Variants in GLIS1 observed in about 807,000 individuals in gnomAD.
GLIS1 encodes the protein zinc finger protein GLIS1.
A neutral mutation model predicts 63.8 loss-of-function variants in GLIS1; 24 were observed. The ratio of observed to expected loss-of-function variants is 0.38; its 90% CI spans 0.27 to 0.53. The LOEUF (loss-of-function observed/expected upper bound fraction) is 0.53, where lower values mean the gene tolerates loss of function less well. GLIS1 is among the 20% of genes least tolerant of loss of function. The pLI is 0.85. For missense variants in GLIS1, 1,036 were observed against 1,074.1 expected (o/e 0.96, Z 0.50); for synonymous variants, 450 against 482.5 (o/e 0.93, Z 0.88).
rs527333573 is a variant in GLIS1 at position 53,548,554 on chromosome 1, G to C, written c.1321-18602C>G. ...TGTCATGCTGCCTTTGCTGTGATGAGAACCCTGGGCCTGGCTCTTTGGGAC... is the reference window on the plus strand; with the variant it reads ...TGTCATGCTGCCTTTGCTGTGATGACAACCCTGGGCCTGGCTCTTTGGGAC... On this transcript the variant is annotated intron_variant, in intron 4 of 10. Coordinates refer to ENST00000628545, the MANE Select transcript of GLIS1 (RefSeq NM_001367484.1). Among the ~76,000 whole-genome samples, 7 of 152,328 alleles carry C rather than the reference G, an allele frequency of 4.6e-5. No individual in the cohort carries two copies. The South Asian group carries it at 1.5e-3, about 32-fold the overall frequency.
At chr1:53,683,398 G>C (rs780468396) in intron 2 of GLIS1, among the ~76,000 whole-genome samples, 3 of 152,162 alleles carry the variant, frequency 2.0e-5, no homozygotes, top group Non-Finnish European at 4.4e-5. Context: ...ACCATGAGCA[G>C]AGACTATGAT....
chr1:53,529,811 G>C lies in GLIS1; in HGVS notation c.1462C>G (p.Gln488Glu). The change falls in exon 5 of 11, where the codon CAG becomes GAG. Residue 488 changes from glutamine (Q) to glutamate (E), a missense_variant. Physicochemically the swap from Gln to Glu is conservative, Grantham distance 29 (BLOSUM62 2). Transcript: ENST00000628545. ...CCTACCGTGTCTAGGTGGGTGCGCTGGTGCTTGGCGCGGTCGCTGGAGTTG... is the reference window on the plus strand; with the variant it reads ...CCTACCGTGTCTAGGTGGGTGCGCTCGTGCTTGGCGCGGTCGCTGGAGTTG... ...FSNSSDRAKH[Q>E]RTHLDTKPYA... The C allele has an allele frequency of 6.2e-7, 1 of 1,612,820 alleles. No homozygotes were observed. Among genetic ancestry groups the C allele is most frequent in the Non-Finnish European group, 8.5e-7 (1 of 1,179,984 alleles).
intron 2 of GLIS1, among the ~76,000 whole-genome samples, chr1:53,730,113 A>T (rs1056696598): frequency 6.6e-6 from 1 of 152,186 alleles, no homozygotes; most frequent in African/African-American, 2.4e-5. Flanking sequence ...AAACGGTGTC[A>T]AAATCAGTGA....
chr1:53,718,331 G>C (rs1646720521), intron 2 of GLIS1, among the ~76,000 whole-genome samples: 1 of 152,192 alleles, frequency 6.6e-6, no homozygotes. Flanking sequence ...TGCAGTGCTG[G>C]AGAGACGGAA....
At chr1:53,642,515 T>C (rs1645798316) in intron 2 of GLIS1, among the ~76,000 whole-genome samples, 1 of 152,204 alleles carries the variant, frequency 6.6e-6, no homozygotes, top group Admixed American at 6.5e-5. Context: ...CTCAAGACTT[T>C]ACAGAAGGTT....
At chr1:53,732,264 A>C (rs1043429374) in intron 2 of GLIS1, among the ~76,000 whole-genome samples, 5 of 152,258 alleles carry the variant, frequency 3.3e-5, no homozygotes, top group African/African-American at 1.2e-4. Context: ...ACATGCTTTA[A>C]GTGACTTTCA....
intron 4 of GLIS1, among the ~76,000 whole-genome samples, chr1:53,556,239 AGGT>A (rs1349740526): frequency 6.2e-5 from 6 of 96,418 alleles, no homozygotes; most frequent in Non-Finnish European, 1.2e-4. Flanking sequence ...GGTGTACTGT[AGGT>A]GTGTGTGTGT....
intron 2 of GLIS1, among the ~76,000 whole-genome samples, chr1:53,635,547 TAAAAA>T (rs368725112): frequency 7.0e-6 from 1 of 143,486 alleles, no homozygotes; most frequent in South Asian, 2.2e-4. Context: ...CACAAGATGT[TAAAAA>T]AAAAAAGCAA....
Position 53,688,752 on chromosome 1 carries a change from GA to G in GLIS1, c.259+49053del, listed in dbSNP as rs1409582925. 3.9e-5 allele frequency: 6 copies of G among 152,286 alleles called. No individual in the cohort carries two copies. In the East Asian group the frequency reaches 1.2e-3, roughly 29 times the overall value. 9.4% of individuals were successfully genotyped at this position (152,286 alleles called of 1,614,324 possible). A position where few individuals can be genotyped will look rare whatever the true frequency, so the allele number is the denominator to read the frequency against. On this transcript the variant is annotated intron_variant, in intron 2 of 10. Transcript: ENST00000628545. Reference sequence around the variant, plus strand: ...TTAAATTGGTTTTTGTGTGGGGGGGGATGTTTTCTGGTGAAAACCAAAAAAC... The same window carrying G: ...TTAAATTGGTTTTTGTGTGGGGGGGGTGTTTTCTGGTGAAAACCAAAAAAC...
At chr1:53,710,209 T>C (rs1041562971) in intron 2 of GLIS1, among the ~76,000 whole-genome samples, 1 of 152,220 alleles carries the variant, frequency 6.6e-6, no homozygotes, top group Non-Finnish European at 1.5e-5. Flanking sequence ...TGGGGGGCTT[T>C]CCGAATCATT....
rs59790628 is a variant in GLIS1, at chr1:53,538,873, C to T, written c.1321-8921G>A. Among the ~76,000 whole-genome samples, 853 of 152,264 alleles carry T rather than the reference C, an allele frequency of 5.6e-3. 9 individuals carry two copies. Among genetic ancestry groups the T allele is most frequent in the African/African-American group, 0.019 (806 of 41,530 alleles). On this transcript the variant is annotated intron_variant, in intron 4 of 10. Coordinates refer to ENST00000628545, the MANE Select transcript of GLIS1 (RefSeq NM_001367484.1). ...GTCCCCAGCAGTGCAGTTGAGGCAT[C>T]TCCTGGAAAGGTGGCCGGCCAGCAA...
Position 53,735,233 on chromosome 1 carries a change from C to T in GLIS1, c.259+2573G>A, listed in dbSNP as rs1222483906. On this transcript the variant is annotated intron_variant, in intron 2 of 10. Coordinates refer to ENST00000628545, the MANE Select transcript of GLIS1 (RefSeq NM_001367484.1). ...TGGCTAGCACACCACAGTTAGCACCCTTCACATTCAGCATTTTAAAAATGT... is the reference window on the plus strand; with the variant it reads ...TGGCTAGCACACCACAGTTAGCACCTTTCACATTCAGCATTTTAAAAATGT... Among the ~76,000 whole-genome samples the T allele has an allele frequency of 2.0e-5, 3 of 152,190 alleles. No individual in the cohort carries two copies. The South Asian group carries it at 6.2e-4, about 32-fold the overall frequency.
At chr1:53,557,622 T>C (rs1569824486) in intron 4 of GLIS1, among the ~76,000 whole-genome samples, 1 of 152,124 alleles carries the variant, frequency 6.6e-6, no homozygotes, top group Admixed American at 6.5e-5. Context: ...CCTCATCAGG[T>C]AGGCCTTGAA....
Position 53,539,993 on chromosome 1 carries a change from C to G in GLIS1, c.1321-10041G>C, listed in dbSNP as rs766879882. 3.9e-5 allele frequency among the ~76,000 whole-genome samples: 6 copies of G among 152,210 alleles called. No homozygotes were observed. The highest frequency in any genetic ancestry group is 8.8e-5 in the Non-Finnish European group (6 of 68,034). On this transcript the variant is annotated intron_variant, in intron 4 of 10. Transcript: ENST00000628545. This position sits in a 1 kb window ranked among gnomAD's most constrained non-coding sequence, Gnocchi z 5.0. ...ATGCGGTGTCCTCTGCTCAAGGTGC[C>G]CCTGTTCACTGGCCAGTCCTCCTTG...
chr1:53,550,524 C>G (rs1339726002), intron 4 of GLIS1, among the ~76,000 whole-genome samples: 1 of 152,168 alleles, frequency 6.6e-6, no homozygotes, highest in African/African-American at 2.4e-5. Flanking sequence ...GGAGGTCAGA[C>G]TAGTTTTATG....
intron 4 of GLIS1, among the ~76,000 whole-genome samples, chr1:53,589,411 G>T (rs939009123): frequency 1.3e-5 from 2 of 152,186 alleles, no homozygotes; most frequent in Non-Finnish European, 2.9e-5. Context: ...GCTGGCGGAG[G>T]GGGGTAAAGG....
At chr1:53,573,143 T>C (rs977823925) in intron 4 of GLIS1, among the ~76,000 whole-genome samples, 3 of 152,202 alleles carry the variant, frequency 2.0e-5, no homozygotes, top group African/African-American at 7.2e-5. Context: ...AGCCCTGGTA[T>C]GGAATACAGA....
At position 53,511,040 on chromosome 1, in the gene GLIS1, A is replaced by C. The variant is rs1324912209; in HGVS notation, c.1884-1013T>G. Among the ~76,000 whole-genome samples the C allele has an allele frequency of 6.6e-6, 1 of 152,176 alleles. No homozygotes were observed. The highest frequency in any genetic ancestry group is 1.5e-5 in the Non-Finnish European group (1 of 68,018). On this transcript the variant is annotated intron_variant, in intron 8 of 10. Coordinates refer to ENST00000628545, the MANE Select transcript of GLIS1 (RefSeq NM_001367484.1). The surrounding 1 kb of genome is among the most constrained non-coding windows in gnomAD (Gnocchi z 4.2). Reference sequence around the variant, plus strand: ...ATGCTGCAGGCCAGGTTCCCTTCTCATGCTACCTTCCTAAGCCCCTGGGCC... The same window carrying C: ...ATGCTGCAGGCCAGGTTCCCTTCTCCTGCTACCTTCCTAAGCCCCTGGGCC...
At position 53,514,606 on chromosome 1, in the gene GLIS1, A is replaced by G; in HGVS notation, c.1883+19T>C. 1 of 1,602,774 alleles carries G rather than the reference A, an allele frequency of 6.2e-7. No homozygotes were observed. ...CCCCCCTTGTTGCCCCTGGAGGAGGACTGGCCTGGTGTACATACCCATCCC... is the reference window on the plus strand; with the variant it reads ...CCCCCCTTGTTGCCCCTGGAGGAGGGCTGGCCTGGTGTACATACCCATCCC... On this transcript the variant is annotated intron_variant, in intron 8 of 10. Coordinates refer to ENST00000628545, the MANE Select transcript of GLIS1 (RefSeq NM_001367484.1).
Sources: allele counts gnomAD v4.1 joint callset (sites outside exome capture counted in the v4.1 genomes callset), GRCh38; gene constraint gnomAD v4.1.1; non-coding constraint Gnocchi (gnomAD v3.1); transcripts MANE v1.5; gene names NCBI Gene and HGNC (gene_info 2026-07-23, HGNC 2026-07-21).